The following MAD1L1 variants were observed in gnomAD, a reference collection of about 807,000 sequenced individuals.
MAD1L1 encodes mitotic arrest deficient 1 like 1, also known as mitotic spindle assembly checkpoint protein MAD1.
A neutral mutation model predicts 96.9 loss-of-function variants in MAD1L1; 95 were observed. That is an observed-to-expected ratio of 0.98 (90% CI 0.83 to 1.16). The LOEUF is 1.16. Among genes scored for constraint, MAD1L1 ranks in the 50% most tolerant of loss-of-function variants. The pLI is 0.00. For synonymous variants in MAD1L1, 473 were observed against 396.6 expected, an observed-to-expected ratio of 1.19 and a Z score of -2.29; for missense variants, 1,007 against 954.4, an observed-to-expected ratio of 1.06 and a Z score of -0.73.
At chr7:2,200,986 G>T (rs1051088725) in intron 10 of MAD1L1, among the ~76,000 whole-genome samples, 5 of 152,208 alleles carry the variant, frequency 3.3e-5, no homozygotes, top group Non-Finnish European at 7.3e-5. Flanking sequence ...ACGCAGGGTA[G>T]GTGGAGGGCG....
At chr7:2,022,719 CG>C (rs1755082847) in intron 12 of MAD1L1, among the ~76,000 whole-genome samples, 1 of 152,032 alleles carries the variant, frequency 6.6e-6, no homozygotes, top group Non-Finnish European at 1.5e-5. Flanking sequence ...ACAGTATCAA[CG>C]ATCATTTCGA....
chr7:2,056,415 CTCTGCTCTAG>C (rs956015237), intron 12 of MAD1L1, among the ~76,000 whole-genome samples: 1 of 152,188 alleles, frequency 6.6e-6, no homozygotes, highest in Non-Finnish European at 1.5e-5. Context: ...CTCTGCTCTG[CTCTGCTCTAG>C]GGAAAGAGGG....
chr7:1,877,580 A>C (rs1785448987), intron 18 of MAD1L1, among the ~76,000 whole-genome samples: 1 of 152,180 alleles, frequency 6.6e-6, no homozygotes, highest in South Asian at 2.1e-4. Context: ...TTAAATATAA[A>C]TGGCATAGAT....
intron 15 of MAD1L1, among the ~76,000 whole-genome samples, chr7:1,963,644 C>T (rs1286520989): frequency 1.3e-5 from 2 of 152,218 alleles, no homozygotes; most frequent in Admixed American, 6.5e-5. Context: ...CCTGCTTGTA[C>T]GGCGCACCTG....
At chr7:1,989,670 C>CCAGCGTGGACCAGCCT (rs1198852394) in intron 14 of MAD1L1, among the ~76,000 whole-genome samples, 38 of 151,728 alleles carry the variant, frequency 2.5e-4, no homozygotes, top group Non-Finnish European at 2.9e-5. Context: ...TGGACCAGCC[C>CCAGCGTGGACCAGCCT]CAGCGTGGAC....
At chr7:2,129,784 G>T (rs548183275) in intron 11 of MAD1L1, among the ~76,000 whole-genome samples, 1 of 152,172 alleles carries the variant, frequency 6.6e-6, no homozygotes, top group East Asian at 1.9e-4. Context: ...CCCCAGGCTC[G>T]AGCCAACGGC....
intron 12 of MAD1L1, among the ~76,000 whole-genome samples, chr7:2,026,412 C>T (rs1401788087): frequency 2.0e-5 from 3 of 152,196 alleles, no homozygotes; most frequent in Admixed American, 2.0e-4. Context: ...GAAAAAACAT[C>T]ATTAAAGAAA....
intron 17 of MAD1L1, among the ~76,000 whole-genome samples, chr7:1,910,036 T>C (rs1357561589): frequency 6.6e-6 from 1 of 151,942 alleles, no homozygotes; most frequent in Non-Finnish European, 1.5e-5. Flanking sequence ...TGCACAAAAC[T>C]GATATGAAAA....
intron 12 of MAD1L1, among the ~76,000 whole-genome samples, chr7:2,032,832 T>C (rs1396326807): frequency 3.3e-5 from 5 of 152,256 alleles, no homozygotes; most frequent in Admixed American, 1.3e-4. Flanking sequence ...ACGTGAGCAC[T>C]GTAAGAACAG....
At chr7:2,095,308 T>G (rs746282409) in intron 11 of MAD1L1, among the ~76,000 whole-genome samples, 27 of 152,164 alleles carry the variant, frequency 1.8e-4, no homozygotes, top group Admixed American at 1.2e-3. Context: ...CCTCCCAAAG[T>G]GCTGGGATTA....
chr7:1,952,550 G>C (rs986700238), intron 16 of MAD1L1, among the ~76,000 whole-genome samples: 1 of 150,132 alleles, frequency 6.7e-6, no homozygotes, highest in Non-Finnish European at 1.5e-5. Flanking sequence ...GGCCCCCGCT[G>C]TGCCCTGGCT....
At chr7:1,826,317 G>A (rs1351455897) in intron 18 of MAD1L1, among the ~76,000 whole-genome samples, 4 of 151,992 alleles carry the variant, frequency 2.6e-5, no homozygotes, top group African/African-American at 2.4e-5. Flanking sequence ...CAAGCTTCTC[G>A]CTGCTGGTGT....
chr7:2,208,823 G>A (rs1792732781), intron 10 of MAD1L1, among the ~76,000 whole-genome samples: 3 of 152,094 alleles, frequency 2.0e-5, no homozygotes, highest in Admixed American at 6.6e-5. Context: ...CTCAAAGGGT[G>A]TGTGCTGGCC....
intron 10 of MAD1L1, among the ~76,000 whole-genome samples, chr7:2,150,471 T>C (rs1218737654): frequency 6.6e-6 from 1 of 152,070 alleles, no homozygotes; most frequent in African/African-American, 2.4e-5. Flanking sequence ...CATCAGCTCA[T>C]CCAGCGCTCA....
Position 2,006,861 on chromosome 7 carries a change from A to G in MAD1L1, c.1360-4740T>C, listed in dbSNP as rs1329818150. Among the ~76,000 whole-genome samples the G allele has an allele frequency of 2.6e-5, 4 of 152,280 alleles. No homozygotes were observed. The South Asian group carries it at 8.3e-4, about 32-fold the overall frequency. ...TGCGCTAGAACTTCTCCTTCTGGAC[A>G]AGCTGTAGGAACCAGCACAGACACA... On this transcript the variant is annotated intron_variant, in intron 13 of 18. Coordinates refer to ENST00000265854, the MANE Select transcript of MAD1L1 (RefSeq NM_001013836.2).
At chr7:2,191,402 G>C (rs968093175) in intron 10 of MAD1L1, among the ~76,000 whole-genome samples, 2 of 152,154 alleles carry the variant, frequency 1.3e-5, no homozygotes, top group African/African-American at 4.8e-5. Flanking sequence ...TCACCTAATG[G>C]TCATTTAGAG....
chr7:1,975,787 G>T (rs1780608857), intron 15 of MAD1L1, among the ~76,000 whole-genome samples: 1 of 152,102 alleles, frequency 6.6e-6, no homozygotes, highest in Non-Finnish European at 1.5e-5. Context: ...CCTGAGGCAG[G>T]CCGGCGTCTC....
At position 1,992,771 on chromosome 7, in the gene MAD1L1, G is replaced by C. The variant is rs149326104; in HGVS notation, c.1416+9294C>G. ...CGGCCCAGTCCAAGGGAAAGTCCCA[G>C]TGTCTCCAGGACAGGTGGATGTGAG... is the stretch of plus-strand genomic sequence containing the variant. On this transcript the variant is annotated intron_variant, in intron 14 of 18. Transcript: ENST00000265854. 1.9e-3 allele frequency among the ~76,000 whole-genome samples: 283 copies of C among 152,330 alleles called. 4 individuals carry two copies. The highest frequency in any genetic ancestry group is 0.017 in the Admixed American group (263 of 15,310).
Position 2,119,314 on chromosome 7 carries a change from C to T in MAD1L1, c.1073+29838G>A, listed in dbSNP as rs564507264. 1.3e-5 allele frequency among the ~76,000 whole-genome samples: 2 copies of T among 152,328 alleles called. No homozygotes were observed. Among genetic ancestry groups the T allele is most frequent in the East Asian group, 1.9e-4 (1 of 5,184 alleles). On this transcript the variant is annotated intron_variant, in intron 11 of 18. Transcript: ENST00000265854. This position sits in a 1 kb window ranked among gnomAD's most constrained non-coding sequence, Gnocchi z 4.6. ...GAGAAGCTCCCAGGCCATGGCTCTC[C>T]GCAGCGCCTTCCCTATCGCATCTCC... is the stretch of plus-strand genomic sequence containing the variant.
Sources: allele counts gnomAD v4.1 joint callset (sites outside exome capture counted in the v4.1 genomes callset), GRCh38; gene constraint gnomAD v4.1.1; non-coding constraint Gnocchi (gnomAD v3.1); transcripts MANE v1.5; gene names NCBI Gene and HGNC (gene_info 2026-07-23, HGNC 2026-07-21).